SLC2A12: variants seen among roughly 807,000 people sequenced by gnomAD.
SLC2A12 encodes solute carrier family 2, facilitated glucose transporter member 12.
SLC2A12 carries 23 observed loss-of-function variants against 41.8 expected under a neutral mutation model. The observed-to-expected ratio is 0.55, with a 90% CI of 0.40 to 0.78. The LOEUF (loss-of-function observed/expected upper bound fraction) is 0.78. Among genes scored for constraint, SLC2A12 ranks in the 30% least tolerant of loss-of-function variants. The pLI is 0.00. For missense variants in SLC2A12, 654 were observed against 745.6 expected (o/e 0.88, Z 1.43); for synonymous variants, 295 against 285.9 (o/e 1.03, Z -0.32).
At chr6:134,036,004 G>T (rs544741316) in intron 1 of SLC2A12, among the ~76,000 whole-genome samples, 1 of 152,154 alleles carries the variant, frequency 6.6e-6, no homozygotes, top group African/African-American at 2.4e-5. Flanking sequence ...CACTCAACAC[G>T]AAACAATCCA....
intron 2 of SLC2A12, among the ~76,000 whole-genome samples, chr6:134,025,405 T>A (rs1777100431): frequency 6.6e-6 from 1 of 152,246 alleles, no homozygotes; most frequent in Non-Finnish European, 1.5e-5. Context: ...AATGAAGTAC[T>A]GCAAAGTACG....
intron 4 of SLC2A12, among the ~76,000 whole-genome samples, chr6:133,998,625 C>T (rs1029324557): frequency 1.3e-5 from 2 of 152,248 alleles, no homozygotes; most frequent in Non-Finnish European, 2.9e-5. Flanking sequence ...ACTGCAGCCT[C>T]GACTTCCCAG....
At position 134,000,167 on chromosome 6, in the gene SLC2A12, T is replaced by C. The variant is rs57155127; in HGVS notation, c.1700+1830A>G. ...CCATTGTAAATGAATCATTTTCATT[T>C]TATTTTTTTGAAAACAGGGCCTCAT... On this transcript the variant is annotated intron_variant, in intron 4 of 4. Transcript: ENST00000275230. Among the ~76,000 whole-genome samples the C allele has an allele frequency of 6.5e-3, 983 of 152,320 alleles. 13 individuals carry two copies. Among genetic ancestry groups the C allele is most frequent in the African/African-American group, 0.023 (937 of 41,562 alleles).
chr6:134,037,036 G>T (rs1326207564), intron 1 of SLC2A12, among the ~76,000 whole-genome samples: 1 of 151,450 alleles, frequency 6.6e-6, no homozygotes, highest in Non-Finnish European at 1.5e-5. Flanking sequence ...ACCACTAGCT[G>T]TTTCCAGAAT....
rs1246772571 is a variant in SLC2A12 at position 133,988,942 on chromosome 6, A to T, written c.*2213T>A. The T allele has an allele frequency of 1.3e-5, 2 of 152,212 alleles. No individual in the cohort carries two copies. Among genetic ancestry groups the T allele is most frequent in the African/African-American group, 4.8e-5 (2 of 41,456 alleles). 9.4% of individuals were successfully genotyped at this position (152,212 alleles called of 1,614,324 possible). On this transcript the variant is annotated 3_prime_UTR_variant, in exon 5 of 5. Coordinates refer to ENST00000275230, the MANE Select transcript of SLC2A12 (RefSeq NM_145176.3). ...GAATAGGGGGAAAACATGCTTATAT[A>T]GCCAAGGTACAGATCCAGATGATGT...
intron 1 of SLC2A12, among the ~76,000 whole-genome samples, chr6:134,051,011 T>A (rs544825907): frequency 6.6e-6 from 1 of 152,280 alleles, no homozygotes; most frequent in African/African-American, 2.4e-5. Flanking sequence ...CACTGTAACC[T>A]CCAAGTGATT....
chr6:134,041,908 G>A (rs1246908390), intron 1 of SLC2A12, among the ~76,000 whole-genome samples: 3 of 152,072 alleles, frequency 2.0e-5, no homozygotes, highest in African/African-American at 7.2e-5. Context: ...TCCAGGAAGG[G>A]GATGCTCAAT....
At chr6:134,027,707 G>C (rs1777133877) in intron 2 of SLC2A12, among the ~76,000 whole-genome samples, 1 of 152,146 alleles carries the variant, frequency 6.6e-6, no homozygotes, top group South Asian at 2.1e-4. Context: ...ATCTCTAAAA[G>C]AGTTTGCCCA....
chr6:134,006,693 G>A lies in SLC2A12; in HGVS notation c.1567+119C>T, dbSNP rs775011719. Reference sequence around the variant, plus strand: ...TCATGGGTACTTCAGGGTCATGGCCGTTCTCCTTCTAAGTGTGTTTGAAAA... The same window carrying A: ...TCATGGGTACTTCAGGGTCATGGCCATTCTCCTTCTAAGTGTGTTTGAAAA... On this transcript the variant is annotated intron_variant, in intron 3 of 4. Transcript: ENST00000275230. The A allele has an allele frequency of 3.7e-4, 483 of 1,312,686 alleles. 1 individual carries two copies. Among genetic ancestry groups the A allele is most frequent in the Middle Eastern group, 1.0e-3 (5 of 4,808 alleles). The allele number at this position is 1,312,686 out of a possible 1,614,324, so 81.3% of individuals were successfully genotyped here. A position where few individuals can be genotyped will look rare whatever the true frequency, so the allele number is the denominator to read the frequency against.
intron 1 of SLC2A12, among the ~76,000 whole-genome samples, chr6:134,030,899 G>T (rs563132136): frequency 6.6e-6 from 1 of 152,246 alleles, no homozygotes; most frequent in African/African-American, 2.4e-5. Context: ...GACGCTATAG[G>T]TTTCTTATTT....
intron 1 of SLC2A12, among the ~76,000 whole-genome samples, chr6:134,038,353 CTTTTTTTTTTTTTTT>C (rs10584884): frequency 1.0e-5 from 1 of 97,518 alleles, no homozygotes; most frequent in Non-Finnish European, 2.0e-5. Context: ...TTCTTTCTGC[CTTTTTTTTTTTTTTT>C]TTTTTTTTTT....
At chr6:134,033,540 G>C (rs1010089796) in intron 1 of SLC2A12, among the ~76,000 whole-genome samples, 2 of 152,074 alleles carry the variant, frequency 1.3e-5, no homozygotes, top group African/African-American at 4.8e-5. Context: ...ACTGGTCTCT[G>C]ATATTCTGAT....
chr6:134,040,922 C>T (rs1777373759), intron 1 of SLC2A12, among the ~76,000 whole-genome samples: 1 of 152,194 alleles, frequency 6.6e-6, no homozygotes, highest in African/African-American at 2.4e-5. Flanking sequence ...CTTATTCTAG[C>T]CACCTGGTTG....
chr6:134,000,505 A>G (rs1042571550), intron 4 of SLC2A12, among the ~76,000 whole-genome samples: 18 of 152,190 alleles, frequency 1.2e-4, no homozygotes, highest in African/African-American at 4.1e-4. Flanking sequence ...ATTTTTCTCT[A>G]CTGTTTTCAA....
At chr6:134,044,961 C>G (rs954168445) in intron 1 of SLC2A12, among the ~76,000 whole-genome samples, 12 of 152,126 alleles carry the variant, frequency 7.9e-5, no homozygotes, top group Admixed American at 7.9e-4. Flanking sequence ...TGGTTGCTGG[C>G]AGCATCGTGT....
chr6:134,027,606 C>G (rs1256092648), intron 2 of SLC2A12, among the ~76,000 whole-genome samples: 3 of 151,956 alleles, frequency 2.0e-5, no homozygotes, highest in Non-Finnish European at 4.4e-5. Context: ...TACAAAAGAC[C>G]CTTCACAGCC....
At chr6:134,020,790 G>T (rs1777030136) in intron 2 of SLC2A12, among the ~76,000 whole-genome samples, 1 of 152,106 alleles carries the variant, frequency 6.6e-6, no homozygotes, top group South Asian at 2.1e-4. Flanking sequence ...TTGTAAATTG[G>T]ACAGTCCATG....
chr6:133,999,114 TAA>T (rs1776726914), intron 4 of SLC2A12, among the ~76,000 whole-genome samples: 1 of 152,004 alleles, frequency 6.6e-6, no homozygotes, highest in Admixed American at 6.6e-5. Flanking sequence ...AGTATAGAAG[TAA>T]AGAGGGCTAG....
chr6:134,004,822 A>G (rs1014504884), intron 3 of SLC2A12, among the ~76,000 whole-genome samples: 1 of 152,244 alleles, frequency 6.6e-6, no homozygotes, highest in African/African-American at 2.4e-5. Flanking sequence ...GGTATTTCAG[A>G]TAAAAATGGA....
Sources: gnomAD v4.1 joint callset for allele counts (sites outside exome capture counted in the v4.1 genomes callset) on GRCh38, gnomAD v4.1.1 for gene constraint, MANE v1.5 for transcripts, NCBI Gene and HGNC (gene_info 2026-07-23, HGNC 2026-07-21) for gene names.